The following ANK3 variants were observed in gnomAD, a reference collection of about 807,000 sequenced individuals.
ANK3 encodes the protein ankyrin 3.
ANK3 carries 57 observed loss-of-function variants against 370.9 expected under a neutral mutation model. The ratio of observed to expected loss-of-function variants is 0.15; its 90% confidence interval spans 0.12 to 0.19. The LOEUF is 0.19. ANK3 is among the 10% of genes least tolerant of loss of function. ANK3 has a pLI of 1.00. For missense variants in ANK3, 4,439 were observed against 5,302.1 expected (o/e 0.84, Z 5.06); for synonymous variants, 1,929 against 1,946.3 (o/e 0.99, Z 0.23).
chr10:60,037,624 C>T (rs1039586815), intron 43 of ANK3, among the ~76,000 whole-genome samples: 3 of 134,874 alleles, frequency 2.2e-5, no homozygotes, highest in African/African-American at 8.3e-5. Flanking sequence ...CATGCTCTCA[C>T]TCTTTTTTTT....
intron 1 of ANK3, among the ~76,000 whole-genome samples, chr10:60,716,477 G>A (rs1485372795): frequency 6.6e-6 from 1 of 152,060 alleles, no homozygotes; most frequent in Non-Finnish European, 1.5e-5. Flanking sequence ...GTCATGGATT[G>A]TTCTCTATTT....
rs777786233 is a variant in ANK3 at position 60,073,692 on chromosome 10, GTTC to G, written c.7186_7188del (p.Glu2396del). ...GAAGGCAATGACTCTTCAGCAGTAAGTTCTTCTTCTTCTTGCTGACCCTGTTCC... is the reference window on the plus strand; with the variant it reads ...GAAGGCAATGACTCTTCAGCAGTAAGTTCTTCTTCTTGCTGACCCTGTTCC... On this transcript the variant is annotated inframe_deletion, in exon 37 of 44. Coordinates refer to ENST00000280772, the MANE Select transcript of ANK3 (RefSeq NM_020987.5). 1.5e-4 allele frequency: 250 copies of G among 1,613,872 alleles called. 3 individuals carry two copies. In the East Asian group the frequency reaches 5.2e-3, roughly 34 times the overall value.
chr10:60,277,080 T>A (rs1287364816), intron 4 of ANK3, among the ~76,000 whole-genome samples: 1 of 152,242 alleles, frequency 6.6e-6, no homozygotes, highest in Non-Finnish European at 1.5e-5. Context: ...AGAATTAATT[T>A]AGAGCAAATA....
rs145473703 is a variant in ANK3 at position 60,446,182 on chromosome 10, C to T, written c.97-166543G>A. On this transcript the variant is annotated intron_variant, in intron 2 of 43. Coordinates refer to the ANK3 transcript ENST00000373827. ...TGGAGGATTTTGTCTTTCTCAACCA[C>T]GAAGAGGTATATTTTAAAGAGCAAT... Among the ~76,000 whole-genome samples, 50 of 152,174 alleles carry T rather than the reference C, an allele frequency of 3.3e-4. No individual in the cohort carries two copies. The East Asian group carries it at 6.6e-3, about 20-fold the overall frequency.
chr10:60,669,780 C>T (rs1177903306), intron 1 of ANK3, among the ~76,000 whole-genome samples: 1 of 152,004 alleles, frequency 6.6e-6, no homozygotes, highest in Non-Finnish European at 1.5e-5. Context: ...GGTCACAGGC[C>T]CTCTTCCTTT....
At chr10:60,158,837 A>G (rs905140410) in intron 23 of ANK3, among the ~76,000 whole-genome samples, 2 of 151,858 alleles carry the variant, frequency 1.3e-5, no homozygotes, top group African/African-American at 4.8e-5. Flanking sequence ...CACCATGCCC[A>G]GCTAATTTTT....
At chr10:60,730,717 A>G (rs1046071216) in intron 1 of ANK3, among the ~76,000 whole-genome samples, 1 of 152,236 alleles carries the variant, frequency 6.6e-6, no homozygotes, top group African/African-American at 2.4e-5. Context: ...CCAAGGATAT[A>G]GTTATGTGAA....
rs548283047 is a variant in ANK3 at position 60,081,115 on chromosome 10, C to T, written c.4351-497G>A. On this transcript the variant is annotated intron_variant, in intron 35 of 43. Transcript: ENST00000280772. The stretch of plus-strand genomic sequence containing the variant: ...GGGCAGAGGAGGGTAGGGACGGAGT[C>T]TTGCTCTTGTAGCCCAGGCTGGAGT... Among the ~76,000 whole-genome samples, 45 of 152,090 alleles carry T rather than the reference C, an allele frequency of 3.0e-4. No individual in the cohort carries two copies. In the South Asian group the frequency reaches 9.3e-3, roughly 32 times the overall value.
chr10:60,273,646 A>G (rs1243701515), intron 4 of ANK3, among the ~76,000 whole-genome samples: 2 of 152,160 alleles, frequency 1.3e-5, no homozygotes, highest in African/African-American at 4.8e-5. Flanking sequence ...TAGTGATATG[A>G]TTTGGCTGTG....
At chr10:60,606,971 A>G (rs2078137091) in intron 2 of ANK3, among the ~76,000 whole-genome samples, 1 of 152,210 alleles carries the variant, frequency 6.6e-6, no homozygotes, top group Non-Finnish European at 1.5e-5. Flanking sequence ...GCTGTTGCAT[A>G]TTGAGTTCAA....
rs2085872660 is a variant in ANK3, at chr10:60,083,694, T to G, written c.4075-77A>C. ...TTTTGAGATTTTATGTCACGTAACG[T>G]TAAAAGACTGACGTTACTATGTTAC... On this transcript the variant is annotated intron_variant, in intron 32 of 43. Transcript: ENST00000280772. 2.4e-6 allele frequency: 3 copies of G among 1,267,398 alleles called. No homozygotes were observed. The African/African-American group carries it at 4.6e-5, about 19-fold the overall frequency. The allele number at this position is 1,267,398 out of a possible 1,614,324, so 78.5% of individuals were successfully genotyped here.
At position 60,572,693 on chromosome 10, in the gene ANK3, C is replaced by T. The variant is rs2077628285; in HGVS notation, c.96+42493G>A. 13 of 1,425,828 alleles carry T rather than the reference C, an allele frequency of 9.1e-6. No homozygotes were observed. In the South Asian group the frequency reaches 1.4e-4, roughly 16 times the overall value. The allele number at this position is 1,425,828 out of a possible 1,614,324, so 88.3% of individuals were successfully genotyped here. On this transcript the variant is annotated intron_variant, in intron 2 of 43. Transcript: ENST00000373827. ...CCAGCCCCTGCTGCTGTCAGAGAGACGCGGGCTGCTAATGTAGCCCTGTTC... is the reference window on the plus strand; with the variant it reads ...CCAGCCCCTGCTGCTGTCAGAGAGATGCGGGCTGCTAATGTAGCCCTGTTC...
intron 2 of ANK3, among the ~76,000 whole-genome samples, chr10:60,434,337 G>A (rs988091059): frequency 6.6e-6 from 1 of 152,136 alleles, no homozygotes; most frequent in Non-Finnish European, 1.5e-5. Context: ...AAGGAATATA[G>A]TCTACTTATT....
In ANK3 at chr10:60,072,554, T is replaced by C; in HGVS notation, c.8327A>G (p.Glu2776Gly). 6.2e-7 allele frequency: 1 copy of C among 1,613,414 alleles called. No individual in the cohort carries two copies. Among genetic ancestry groups the C allele is most frequent in the Non-Finnish European group, 8.5e-7 (1 of 1,179,828 alleles). The change falls in exon 37 of 44, where the codon GAA becomes GGA. Residue 2776 changes from glutamate to glycine, a missense_variant. Glu to Gly is a moderately conservative substitution (Grantham distance 98, BLOSUM62 -2). Around this residue, in one of 13 missense-constraint regions of ANK3, gnomAD observed 1,601 missense variants for 1,731.7 expected, o/e 0.92. Transcript: ENST00000280772. ...KQQKAIDLPD[E>G]SVSVQKDFMV... ...AAAATCTTTTTGCACAGATACACTT[T>C]CATCTGGGAGGTCTATGGCCTTCTG...
chr10:60,145,681 A>G (rs1208870120), intron 23 of ANK3, among the ~76,000 whole-genome samples: 3 of 152,230 alleles, frequency 2.0e-5, no homozygotes, highest in Non-Finnish European at 4.4e-5. Context: ...TACAGAAAAT[A>G]GGATTCAAAA....
intron 2 of ANK3, among the ~76,000 whole-genome samples, chr10:60,438,725 G>A (rs748572849): frequency 2.0e-5 from 3 of 152,196 alleles, no homozygotes; most frequent in Non-Finnish European, 4.4e-5. Context: ...AGGAAGGGAC[G>A]AGCAAAGAAT....
At chr10:60,288,039 A>C (rs544618694) in intron 1 of ANK3, among the ~76,000 whole-genome samples, 46 of 152,326 alleles carry the variant, frequency 3.0e-4, no homozygotes, top group African/African-American at 1.1e-3. Context: ...CTGAAACAAA[A>C]CATGAATCAA....
chr10:60,361,050 G>A (rs978398373), intron 1 of ANK3, among the ~76,000 whole-genome samples: 1 of 152,234 alleles, frequency 6.6e-6, no homozygotes. Context: ...ATCTTTACTA[G>A]TCTGAAAACT....
At chr10:60,408,684 A>G (rs572670510) in intron 2 of ANK3, among the ~76,000 whole-genome samples, 29 of 152,306 alleles carry the variant, frequency 1.9e-4, no homozygotes, top group African/African-American at 7.0e-4. Context: ...AAAAGAAAGT[A>G]TCAATCTCTT....
Sources: gnomAD v4.1 joint callset for allele counts (sites outside exome capture counted in the v4.1 genomes callset) on GRCh38, gnomAD v4.1.1 for gene constraint, gnomAD v4.1.1 regional missense constraint, MANE v1.5 for transcripts, NCBI Gene and HGNC (gene_info 2026-07-23, HGNC 2026-07-21) for gene names.